GALNT3: variants seen among roughly 807,000 people sequenced by gnomAD.
GALNT3 encodes polypeptide N-acetylgalactosaminyltransferase 3, also known as GalNAc transferase 3.
In GALNT3, 51 loss-of-function variants were observed where a neutral mutation model predicts 69.8. The observed-to-expected ratio is 0.73, with a 90% CI of 0.58 to 0.92. The LOEUF is 0.92. Among genes scored for constraint, GALNT3 ranks in the 40% least tolerant of loss-of-function variants. The pLI, the probability that GALNT3 is intolerant of heterozygous loss-of-function variation, is 0.00. For synonymous variants in GALNT3, 265 were observed against 248.5 expected, an observed-to-expected ratio of 1.07 and a Z score of -0.63; for missense variants, 711 against 760.0, an observed-to-expected ratio of 0.94 and a Z score of 0.76.
intron 1 of GALNT3, among the ~76,000 whole-genome samples, chr2:165,779,871 C>G (rs1042291312): frequency 6.6e-6 from 1 of 152,310 alleles, no homozygotes; most frequent in Middle Eastern, 3.4e-3. Flanking sequence ...TCTGTATTCA[C>G]CATGCCCTTA....
intron 4 of GALNT3, among the ~76,000 whole-genome samples, chr2:165,760,707 C>A (rs1574000526): frequency 6.6e-6 from 1 of 152,266 alleles, no homozygotes; most frequent in Non-Finnish European, 1.5e-5. Flanking sequence ...ATCCAAAAGC[C>A]CTTCTGTAAT....
intron 2 of GALNT3, among the ~76,000 whole-genome samples, chr2:165,765,609 C>A (rs1265408757): frequency 6.6e-6 from 1 of 151,926 alleles, no homozygotes; most frequent in Admixed American, 6.6e-5. Context: ...CCTGCCTCAG[C>A]TCCCGAGTAG....
chr2:165,767,842 T>G (rs1203512168), intron 2 of GALNT3, among the ~76,000 whole-genome samples: 1 of 151,544 alleles, frequency 6.6e-6, no homozygotes, highest in Non-Finnish European at 1.5e-5. Context: ...TTGCTGATAC[T>G]GGTTACATTC....
At chr2:165,786,006 T>C (rs1017733501) in intron 1 of GALNT3, among the ~76,000 whole-genome samples, 4 of 152,238 alleles carry the variant, frequency 2.6e-5, no homozygotes, top group African/African-American at 9.6e-5. Context: ...ACTCGTAATA[T>C]GCTTGCTTGA....
intron 1 of GALNT3, among the ~76,000 whole-genome samples, chr2:165,774,619 T>C (rs755307713): frequency 2.6e-5 from 4 of 152,248 alleles, no homozygotes; most frequent in East Asian, 1.9e-4. Flanking sequence ...AGGTTTTAGT[T>C]TGGGATGCTT....
intron 6 of GALNT3, among the ~76,000 whole-genome samples, 178 bp from the exon 7 acceptor site, chr2:165,757,425 A>G (rs528982346): frequency 4.6e-5 from 7 of 152,346 alleles, no homozygotes; most frequent in African/African-American, 1.7e-4. Context: ...GAATTATTTT[A>G]TTAAATGGCA....
At chr2:165,784,152 C>G (rs1269472442) in intron 1 of GALNT3, among the ~76,000 whole-genome samples, 2 of 152,152 alleles carry the variant, frequency 1.3e-5, no homozygotes, top group Admixed American at 6.5e-5. Flanking sequence ...TTACCATACA[C>G]AGTGAGGCCT....
At chr2:165,793,447 C>T (rs150375698) in intron 1 of GALNT3, among the ~76,000 whole-genome samples, 129 of 152,298 alleles carry the variant, frequency 8.5e-4, no homozygotes, top group African/African-American at 3.0e-3. Context: ...GGGGTGTCCG[C>T]GTCCCGGCCA....
At chr2:165,784,999 T>C (rs557269332) in intron 1 of GALNT3, among the ~76,000 whole-genome samples, 2 of 152,304 alleles carry the variant, frequency 1.3e-5, no homozygotes, top group East Asian at 3.9e-4. Context: ...TTTTTCCCCC[T>C]TTCTCCTTAT....
At chr2:165,768,792 C>CT (rs71028502) in intron 2 of GALNT3, among the ~76,000 whole-genome samples, 5 of 126,234 alleles carry the variant, frequency 4.0e-5, no homozygotes, top group African/African-American at 1.5e-4. Context: ...ATCTTGTACT[C>CT]TTTTTTTTTT....
At chr2:165,779,736 GA>G (rs1272581860) in intron 1 of GALNT3, among the ~76,000 whole-genome samples, 8 of 152,086 alleles carry the variant, frequency 5.3e-5, no homozygotes, top group African/African-American at 1.9e-4. Context: ...CATTGAACCT[GA>G]GAAAGCTGAT....
At chr2:165,778,112 C>T (rs1431617032) in intron 1 of GALNT3, among the ~76,000 whole-genome samples, 5 of 152,190 alleles carry the variant, frequency 3.3e-5, no homozygotes, top group Non-Finnish European at 1.5e-5. Flanking sequence ...TTGACACAAA[C>T]AAGTAATTAT....
At chr2:165,777,086 A>G (rs1025009399) in intron 1 of GALNT3, among the ~76,000 whole-genome samples, 1 of 152,046 alleles carries the variant, frequency 6.6e-6, no homozygotes, top group African/African-American at 2.4e-5. Context: ...CATGAAAGTA[A>G]CATTTAATGA....
In GALNT3 at chr2:165,757,249, T is replaced by G; in HGVS notation, c.1192-2A>C. On this transcript the variant is annotated splice_acceptor_variant, in intron 6 of 10. Transcript: ENST00000392701. LOFTEE classifies it high-confidence loss of function. ...CAACTGCCCACCACATTGCCATACC[T>G]GATAATTAATGATATTTGTTTAAAT... 1 of 1,611,282 alleles carries G rather than the reference T, an allele frequency of 6.2e-7. No individual in the cohort carries two copies. Among genetic ancestry groups the G allele is most frequent in the Non-Finnish European group, 8.5e-7 (1 of 1,177,488 alleles).
At position 165,765,004 on chromosome 2, in the gene GALNT3, T is replaced by G. The variant is rs1473841595; in HGVS notation, c.568A>C (p.Ile190Leu). The stretch of plus-strand genomic sequence containing the variant: ...CACGCTTCATTATGAAAAACTATTA[T>G]GACACTGGTGGTGGGCAGGGGAGGG... Reference protein sequence around the residue: ...RCPPLPTTSVIIVFHNEAWST... With the variant: ...RCPPLPTTSVLIVFHNEAWST... Residue 190 changes from isoleucine to leucine, a missense_variant, in exon 3 of 11, where the codon ATA becomes CTA. Physicochemically the swap from Ile to Leu is conservative, Grantham distance 5. Transcript: ENST00000392701. The G allele has an allele frequency of 6.2e-7, 1 of 1,614,094 alleles. No individual in the cohort carries two copies. Among genetic ancestry groups the G allele is most frequent in the African/African-American group, 1.3e-5 (1 of 74,948 alleles).
chr2:165,791,817 T>C (rs572295266), intron 1 of GALNT3, among the ~76,000 whole-genome samples: 7 of 152,180 alleles, frequency 4.6e-5, no homozygotes, highest in African/African-American at 1.7e-4. Context: ...TCAATATGCA[T>C]GCTATTCCAC....
chr2:165,756,941 T>C, intron 7 of GALNT3, 106 bp downstream of exon 7: 1 of 868,426 alleles, frequency 1.2e-6, no homozygotes, highest in Non-Finnish European at 1.9e-6. Context: ...GTTAAAAACC[T>C]ACTTTCAAAT....
chr2:165,761,516 T>C (rs1314096560), intron 4 of GALNT3, among the ~76,000 whole-genome samples: 1 of 151,812 alleles, frequency 6.6e-6, no homozygotes, highest in Admixed American at 6.6e-5. Flanking sequence ...CCGGCTACAT[T>C]TAAATAGTAA....
intron 1 of GALNT3, among the ~76,000 whole-genome samples, chr2:165,789,332 A>G (rs1683294558): frequency 1.3e-5 from 2 of 152,166 alleles, no homozygotes; most frequent in South Asian, 2.1e-4. Flanking sequence ...TTTTATAAGG[A>G]CATTATCTTT....
Sources: gnomAD v4.1 joint callset for allele counts (sites outside exome capture counted in the v4.1 genomes callset) on GRCh38, gnomAD v4.1.1 for gene constraint, MANE v1.5 for transcripts, NCBI Gene and HGNC (gene_info 2026-07-23, HGNC 2026-07-21) for gene names.